SGCZ: variants seen among roughly 807,000 people sequenced by gnomAD.
SGCZ encodes the protein sarcoglycan zeta, also known as zeta-sarcoglycan.
Under a neutral mutation model 41.3 loss-of-function variants are expected in SGCZ, and 40 were observed. The observed-to-expected ratio is 0.97, with a 90% CI of 0.75 to 1.26. The LOEUF (loss-of-function observed/expected upper bound fraction) is 1.26, where lower values mean the gene tolerates loss of function less well. Among genes scored for constraint, SGCZ ranks in the 50% most tolerant of loss-of-function variants. The probability of loss-of-function intolerance (pLI) is 0.00; values close to 1 mark genes in which losing one functional copy is unlikely to be tolerated. For synonymous variants in SGCZ, 206 were observed against 137.5 expected (o/e 1.50, Z -3.49); for missense variants, 552 against 369.8 (o/e 1.49, Z -4.04).
At chr8:14,414,447 C>T (rs1032451098) in intron 2 of SGCZ, among the ~76,000 whole-genome samples, 78 of 151,842 alleles carry the variant, frequency 5.1e-4, no homozygotes, top group Non-Finnish European at 4.9e-4. Flanking sequence ...TTATGTAAAT[C>T]TCAGGATGGG....
intron 2 of SGCZ, among the ~76,000 whole-genome samples, chr8:14,479,554 C>A (rs76026948): frequency 0.041 from 6,216 of 152,124 alleles, 175 homozygotes; most frequent in African/African-American, 0.079. Context: ...TATTAACCAT[C>A]ACACCTGTTA....
chr8:14,638,399 A>G (rs1361894588), intron 1 of SGCZ, among the ~76,000 whole-genome samples: 1 of 151,882 alleles, frequency 6.6e-6, no homozygotes, highest in East Asian at 1.9e-4. Context: ...ATTGGAATAC[A>G]TTCTCAATGT....
chr8:14,170,014 T>C (rs900808730), intron 4 of SGCZ, among the ~76,000 whole-genome samples: 1 of 152,114 alleles, frequency 6.6e-6, no homozygotes, highest in Non-Finnish European at 1.5e-5. Flanking sequence ...ACCCCAGGAA[T>C]ACTTGAATAC....
intron 2 of SGCZ, among the ~76,000 whole-genome samples, chr8:14,334,468 G>T (rs1357150896): frequency 6.6e-6 from 1 of 151,932 alleles, no homozygotes; most frequent in Non-Finnish European, 1.5e-5. Context: ...CTCTTAGTCG[G>T]GGCAGGTACT....
chr8:14,915,685 G>C lies in SGCZ; in HGVS notation c.39+321900C>G, dbSNP rs112071358. The stretch of plus-strand genomic sequence containing the variant: ...ATCATCACTGATCAAACCAATCTGT[G>C]TTCCCTTCGTAGTAAATCAAACACC... On this transcript the variant is annotated intron_variant, in intron 1 of 7. Coordinates refer to ENST00000382080, the MANE Select transcript of SGCZ (RefSeq NM_139167.4). 1.8e-3 allele frequency among the ~76,000 whole-genome samples: 279 copies of C among 152,224 alleles called. 1 individual carries two copies. The highest frequency in any genetic ancestry group is 6.4e-3 in the African/African-American group (265 of 41,546).
chr8:14,842,952 C>G (rs998959819), intron 1 of SGCZ, among the ~76,000 whole-genome samples: 1 of 152,160 alleles, frequency 6.6e-6, no homozygotes. Context: ...GTGGCTCATG[C>G]CTGTAATCCC....
chr8:14,420,964 G>C (rs943932154), intron 2 of SGCZ, among the ~76,000 whole-genome samples: 2 of 152,118 alleles, frequency 1.3e-5, no homozygotes, highest in Non-Finnish European at 1.5e-5. Context: ...TATGTCTTTA[G>C]AGAGGGATCA....
intron 5 of SGCZ, among the ~76,000 whole-genome samples, chr8:14,122,264 G>A (rs1330172842): frequency 6.6e-6 from 1 of 152,140 alleles, no homozygotes; most frequent in Non-Finnish European, 1.5e-5. Flanking sequence ...GGGAGACAGA[G>A]CAAGACTCAG....
At chr8:14,153,290 T>G (rs900188799) in intron 5 of SGCZ, among the ~76,000 whole-genome samples, 3 of 152,130 alleles carry the variant, frequency 2.0e-5, no homozygotes, top group Admixed American at 6.5e-5. Context: ...AACTCAGGAT[T>G]TGGGGACTTC....
At chr8:14,658,767 A>C (rs1024809899) in intron 1 of SGCZ, among the ~76,000 whole-genome samples, 11 of 152,116 alleles carry the variant, frequency 7.2e-5, no homozygotes, top group African/African-American at 2.7e-4. Flanking sequence ...AGCTCAGTAG[A>C]ATGCAGTTTC....
At chr8:14,149,726 C>G (rs139588382) in intron 5 of SGCZ, among the ~76,000 whole-genome samples, 21 of 151,150 alleles carry the variant, frequency 1.4e-4, no homozygotes, top group African/African-American at 5.1e-4. Flanking sequence ...CTAAAGTTAT[C>G]CTAATCAAAA....
chr8:14,329,551 C>A (rs936928785), intron 2 of SGCZ, among the ~76,000 whole-genome samples: 5 of 152,134 alleles, frequency 3.3e-5, no homozygotes, highest in African/African-American at 1.2e-4. Flanking sequence ...TGCCACCTAA[C>A]CACTGTTTAT....
At chr8:14,122,842 AG>A (rs1802742552) in intron 5 of SGCZ, among the ~76,000 whole-genome samples, 1 of 151,988 alleles carries the variant, frequency 6.6e-6, no homozygotes, top group South Asian at 2.1e-4. Flanking sequence ...CACATCTTAA[AG>A]GTTTCTATTT....
intron 1 of SGCZ, chr8:14,690,295 A>G (rs1585185177): frequency 1.3e-5 from 2 of 152,038 alleles, no homozygotes; most frequent in East Asian, 3.9e-4. Context: ...CACAATTTCA[A>G]AAGTCACTCT....
At chr8:14,567,909 C>T (rs1047374988) in intron 1 of SGCZ, among the ~76,000 whole-genome samples, 1 of 152,184 alleles carries the variant, frequency 6.6e-6, no homozygotes, top group East Asian at 1.9e-4. Context: ...CCGAACACAT[C>T]CAAACATCAG....
intron 2 of SGCZ, among the ~76,000 whole-genome samples, chr8:14,423,219 G>A (rs973066646): frequency 2.6e-5 from 4 of 151,616 alleles, no homozygotes; most frequent in African/African-American, 7.3e-5. Flanking sequence ...GCTAAATGAC[G>A]AGTTAATGGG....
At chr8:14,892,177 A>G (rs1488810098) in intron 1 of SGCZ, among the ~76,000 whole-genome samples, 1 of 152,218 alleles carries the variant, frequency 6.6e-6, no homozygotes, top group Admixed American at 6.5e-5. Context: ...AAGACTGCTT[A>G]CTTGCTATCT....
intron 1 of SGCZ, among the ~76,000 whole-genome samples, chr8:14,756,185 A>ATT (rs34700961): frequency 0.012 from 1,652 of 136,126 alleles, 22 homozygotes; most frequent in East Asian, 0.043. Context: ...GTAGAAGTAA[A>ATT]TTTTTTTTTT....
intron 1 of SGCZ, among the ~76,000 whole-genome samples, chr8:15,204,943 T>C (rs1445266362): frequency 6.6e-6 from 1 of 152,186 alleles, no homozygotes; most frequent in Non-Finnish European, 1.5e-5. Flanking sequence ...TGAATGAACT[T>C]GGCCCTGTCT....
Sources: allele counts gnomAD v4.1 joint callset (sites outside exome capture counted in the v4.1 genomes callset), GRCh38; gene constraint gnomAD v4.1.1; transcripts MANE v1.5; gene names NCBI Gene and HGNC (gene_info 2026-07-23, HGNC 2026-07-21).